The following CYB5R3 variants were observed in gnomAD, a reference collection of about 807,000 sequenced individuals.
CYB5R3 encodes NADH-cytochrome b5 reductase 3.
Under a neutral mutation model 36.5 loss-of-function variants are expected in CYB5R3, and 28 were observed. The observed-to-expected ratio is 0.77, with a 90% CI of 0.57 to 1.05. The LOEUF is 1.05. Among genes scored for constraint, CYB5R3 ranks in the 50% least tolerant of loss-of-function variants. The pLI, the probability that CYB5R3 is intolerant of heterozygous loss-of-function variation, is 0.00. For missense variants in CYB5R3, 474 were observed against 408.9 expected (o/e 1.16, Z -1.37); for synonymous variants, 181 against 159.8 (o/e 1.13, Z -1.00).
intron 1 of CYB5R3, chr22:42,646,610 C>CCTAA (rs1241695408): frequency 1.0e-6 from 1 of 981,346 alleles, no homozygotes; most frequent in Non-Finnish European, 1.2e-6. Context: ...TGCCCTGGAG[C>CCTAA]TTAGACAAGC....
chr22:42,627,456 A>T, intron 6 of CYB5R3, 67 bp from the exon 7 acceptor site: 1 of 1,548,704 alleles, frequency 6.5e-7, no homozygotes, highest in Non-Finnish European at 8.9e-7. Flanking sequence ...CGCCCCGCCC[A>T]GGTGTACTGG....
intron 1 of CYB5R3, chr22:42,644,748 G>T: frequency 1.4e-6 from 1 of 704,814 alleles, no homozygotes; most frequent in Non-Finnish European, 1.7e-6. Context: ...ACCATTGTTG[G>T]GGGCCCTGGC....
At chr22:42,621,078 AG>A (rs1353724381) in intron 8 of CYB5R3, among the ~76,000 whole-genome samples, 2 of 152,226 alleles carry the variant, frequency 1.3e-5, no homozygotes, top group East Asian at 3.8e-4. Context: ...ATGGATCTGA[AG>A]TGGATCTGAA....
rs1290351067 is a variant in CYB5R3, at chr22:42,619,869, C to T, written c.810G>A (p.Leu270=). 6.2e-7 allele frequency: 1 copy of T among 1,608,078 alleles called. No individual in the cohort carries two copies. The highest frequency in any genetic ancestry group is 2.2e-5 in the East Asian group (1 of 44,678). ...TGGGTGGGGGGCCACACATCAGCACCAGCGGCTCCTCCTCTGGGGGTGGAA... is the reference window on the plus strand; with the variant it reads ...TGGGTGGGGGGCCACACATCAGCACTAGCGGCTCCTCCTCTGGGGGTGGAA... The part of the protein sequence containing the change: ...DHLPPPEEEP[L]VLMCGPPPMI... Residue 270 remains leucine, a synonymous_variant, in exon 9 of 9, where the codon CTG becomes CTA. Coordinates refer to ENST00000352397, the MANE Select transcript of CYB5R3 (RefSeq NM_000398.7).
rs1163091991 is a variant in CYB5R3 at position 42,636,773 on chromosome 22, G to A, written c.95C>T (p.Pro32Leu). Reference protein sequence around the residue: ...LLMKLFQRSTPAITLESPDIK... With the variant: ...LLMKLFQRSTLAITLESPDIK... ...GTCCGGGCTCTCGAGGGTGATGGCT[G>A]GCGTGGAGCGCTGGAACAGCTTCAT... Residue 32 changes from proline (P) to leucine (L), a missense_variant, in exon 2 of 9, where the codon CCA (proline) becomes CTA (leucine). By Grantham distance (98) the Pro-to-Leu change is moderately conservative. Coordinates refer to ENST00000352397, the MANE Select transcript of CYB5R3 (RefSeq NM_000398.7). 3 of 1,613,800 alleles carry A rather than the reference G, an allele frequency of 1.9e-6. No individual in the cohort carries two copies. The East Asian group carries it at 6.7e-5, about 36-fold the overall frequency.
In CYB5R3 at chr22:42,618,491, C is replaced by T. The variant is rs1927752472; in HGVS notation, c.*1282G>A. 6.8e-6 allele frequency: 1 copy of T among 146,010 alleles called. No individual in the cohort carries two copies. The highest frequency in any genetic ancestry group is 1.5e-5 in the Non-Finnish European group (1 of 66,970). 9.0% of individuals were successfully genotyped at this position (146,010 alleles called of 1,614,324 possible). On this transcript the variant is annotated 3_prime_UTR_variant, in exon 9 of 9. Coordinates refer to ENST00000352397, the MANE Select transcript of CYB5R3 (RefSeq NM_000398.7). ...GGCGGAGCTTGCAGTGAGCCGAGAT[C>T]CCGCCACTGCACTCCAGCCTGGGCG...
chr22:42,640,701 C>T (rs1447096836), intron 1 of CYB5R3: 1 of 152,458 alleles, frequency 6.6e-6, no homozygotes. Flanking sequence ...TTCACTTATA[C>T]AAGGATCTTC....
intron 8 of CYB5R3, among the ~76,000 whole-genome samples, chr22:42,622,675 T>C (rs1237480287): frequency 6.6e-6 from 1 of 152,166 alleles, no homozygotes; most frequent in Admixed American, 6.5e-5. Flanking sequence ...CCAGAGCCCA[T>C]GTGCTCCTTT....
chr22:42,628,597 G>A (rs536031684), intron 4 of CYB5R3, among the ~76,000 whole-genome samples: 34 of 152,324 alleles, frequency 2.2e-4, no homozygotes, highest in South Asian at 6.2e-4. Context: ...CCCTCCCAAC[G>A]GGAGACACTG....
intron 4 of CYB5R3, among the ~76,000 whole-genome samples, chr22:42,630,455 G>C (rs183202042): frequency 1.3e-5 from 2 of 152,348 alleles, no homozygotes; most frequent in East Asian, 1.9e-4. Context: ...CCCAGCGTGA[G>C]AGCAGGGACG....
At chr22:42,631,477 C>G (rs1020349755) in intron 2 of CYB5R3, 27 bp from the exon 3 acceptor site, 93 of 1,550,628 alleles carry the variant, frequency 6.0e-5, no homozygotes, top group Admixed American at 2.4e-4. Context: ...AGCTGCTGAA[C>G]GGTCCCCAGG....
intron 3 of CYB5R3, 49 bp downstream of exon 3, chr22:42,631,329 C>T: frequency 6.6e-7 from 1 of 1,510,616 alleles, no homozygotes; most frequent in Non-Finnish European, 9.0e-7. Context: ...GATCTAGTGC[C>T]CCAGCAGCCT....
chr22:42,623,266 G>A (rs563028176), intron 8 of CYB5R3, among the ~76,000 whole-genome samples: 2 of 152,320 alleles, frequency 1.3e-5, no homozygotes, highest in South Asian at 2.1e-4. Flanking sequence ...GCCCTCACTC[G>A]CTGCCTCCAG....
intron 7 of CYB5R3, among the ~76,000 whole-genome samples, chr22:42,624,988 C>T (rs151025098): frequency 2.6e-5 from 4 of 152,202 alleles, no homozygotes; most frequent in East Asian, 3.9e-4. Context: ...CCAGGGAACA[C>T]GGGGTGTTGA....
At position 42,631,407 on chromosome 22, in the gene CYB5R3, G is replaced by C. The variant is rs1482940665; in HGVS notation, c.197C>G (p.Ser66Ter). Residue 66 changes from serine to a stop codon, truncating the protein, a stop_gained, in exon 3 of 9, where the codon TCA becomes TGA. Transcript: ENST00000352397. LOFTEE classifies it high-confidence loss of function. Reference protein sequence around the residue: ...DTRRFRFALPSPQHILGLPVG... With the variant: ...DTRRFRFALP Reference sequence around the variant, plus strand: ...AGGGAGGCCCAGGATGTGCTGGGGTGACGGCAGGGCAAAGCGGAAGCGCCG... The same window carrying C: ...AGGGAGGCCCAGGATGTGCTGGGGTCACGGCAGGGCAAAGCGGAAGCGCCG... The C allele has an allele frequency of 6.4e-7, 1 of 1,551,642 alleles. No homozygotes were observed. Among genetic ancestry groups the C allele is most frequent in the East Asian group, 2.4e-5 (1 of 40,912 alleles).
chr22:42,647,997 A>G (rs1366647877), intron 1 of CYB5R3, among the ~76,000 whole-genome samples: 1 of 152,186 alleles, frequency 6.6e-6, no homozygotes, highest in African/African-American at 2.4e-5. Context: ...GACCAGGGGA[A>G]GCTTTAGAGA....
chr22:42,635,409 T>C (rs1406095609), intron 2 of CYB5R3, among the ~76,000 whole-genome samples: 1 of 152,070 alleles, frequency 6.6e-6, no homozygotes, highest in Non-Finnish European at 1.5e-5. Context: ...TGGCCTAATT[T>C]TCGTATTGTT....
chr22:42,643,958 C>T (rs915617821), intron 1 of CYB5R3, among the ~76,000 whole-genome samples: 3 of 152,080 alleles, frequency 2.0e-5, no homozygotes, highest in Non-Finnish European at 4.4e-5. Context: ...CCCTAGGCTG[C>T]GGGCACTGTG....
At position 42,619,535 on chromosome 22, in the gene CYB5R3, G is replaced by T; in HGVS notation, c.*238C>A. 1 of 578,682 alleles carries T rather than the reference G, an allele frequency of 1.7e-6. No homozygotes were observed. Among genetic ancestry groups the T allele is most frequent in the East Asian group, 2.9e-5 (1 of 34,696 alleles). The allele number at this position is 578,682 out of a possible 1,614,324, so 35.8% of individuals were successfully genotyped here. A position where few individuals can be genotyped will look rare whatever the true frequency, so the allele number is the denominator to read the frequency against. ...ACAGGGATGGGGCTGGGCGTCTCTGGTAAGGACCAGTAAGTGCCAGGCAGG... is the reference window on the plus strand; with the variant it reads ...ACAGGGATGGGGCTGGGCGTCTCTGTTAAGGACCAGTAAGTGCCAGGCAGG... On this transcript the variant is annotated 3_prime_UTR_variant, in exon 9 of 9. Coordinates refer to ENST00000352397, the MANE Select transcript of CYB5R3 (RefSeq NM_000398.7).
Sources: allele counts gnomAD v4.1 joint callset (sites outside exome capture counted in the v4.1 genomes callset), GRCh38; gene constraint gnomAD v4.1.1; transcripts MANE v1.5; gene names NCBI Gene and HGNC (gene_info 2026-07-23, HGNC 2026-07-21).